LRRK2: variants seen among roughly 807,000 people sequenced by gnomAD.
The protein encoded by LRRK2 is leucine rich repeat kinase 2.
In LRRK2, 203 loss-of-function variants were observed where a neutral mutation model predicts 302.6. The observed-to-expected ratio is 0.67, with a 90% CI of 0.60 to 0.75. The LOEUF (loss-of-function observed/expected upper bound fraction) is 0.75. LRRK2 is among the 30% of genes least tolerant of loss of function. The pLI is 0.00. For missense variants in LRRK2, 2,830 were observed against 2,951.0 expected (o/e 0.96, Z 0.95); for synonymous variants, 1,066 against 1,031.9 (o/e 1.03, Z -0.63).
intron 41 of LRRK2, among the ~76,000 whole-genome samples, chr12:40,344,315 T>A (rs1946131830): frequency 6.6e-6 from 1 of 152,210 alleles, no homozygotes; most frequent in African/African-American, 2.4e-5. Flanking sequence ...TTTTGAATAG[T>A]ACCTAGATAT....
At chr12:40,232,435 C>A in intron 3 of LRRK2, 52 bp downstream of exon 3, 1 of 1,233,256 alleles carries the variant, frequency 8.1e-7, no homozygotes, top group Non-Finnish European at 1.2e-6. Context: ...TATTTGTACA[C>A]ATGACAACCT....
At chr12:40,253,683 A>G (rs768292600) in intron 11 of LRRK2, among the ~76,000 whole-genome samples, 4 of 152,176 alleles carry the variant, frequency 2.6e-5, no homozygotes, top group Non-Finnish European at 4.4e-5. Context: ...GGCCCAAATT[A>G]TAATTTTTAA....
At chr12:40,252,687 T>A (rs1423292547) in intron 10 of LRRK2, among the ~76,000 whole-genome samples, 1 of 152,172 alleles carries the variant, frequency 6.6e-6, no homozygotes. Context: ...TATTTCTCTC[T>A]GCTGCATATG....
At position 40,367,079 on chromosome 12, in the gene LRRK2, T is replaced by TA. The variant is rs1204496078; in HGVS notation, c.7462+4dup. 1 of 1,605,006 alleles carries TA rather than the reference T, an allele frequency of 6.2e-7. No homozygotes were observed. The highest frequency in any genetic ancestry group is 8.5e-7 in the Non-Finnish European group (1 of 1,172,850). On this transcript the variant is annotated splice_region_variant and intron_variant, in intron 50 of 50. Transcript: ENST00000298910. ...CTGAAGGTACACAAAAGCAGAAAGG[T>TA]AACATTTAGAAGGATACTGTTTTCC... is the stretch of plus-strand genomic sequence containing the variant.
At chr12:40,315,344 C>A in intron 33 of LRRK2, 44 bp downstream of exon 33, 1 of 1,469,476 alleles carries the variant, frequency 6.8e-7, no homozygotes, top group Non-Finnish European at 9.5e-7. Context: ...ATGGTCAAAG[C>A]ATAGAACAGA....
At chr12:40,352,099 A>C (rs1038575046) in intron 44 of LRRK2, among the ~76,000 whole-genome samples, 4 of 152,236 alleles carry the variant, frequency 2.6e-5, no homozygotes, top group African/African-American at 9.6e-5. Context: ...ATAGGAGCAC[A>C]GAATTTTCCC....
chr12:40,310,698 C>G, intron 31 of LRRK2, 49 bp downstream of exon 31: 2 of 1,577,608 alleles, frequency 1.3e-6, no homozygotes, highest in South Asian at 2.2e-5. Flanking sequence ...TTCTCAACTG[C>G]CTAGAAATGT....
chr12:40,324,026 A>G (rs543273322), intron 38 of LRRK2, among the ~76,000 whole-genome samples: 2 of 152,274 alleles, frequency 1.3e-5, no homozygotes, highest in South Asian at 4.1e-4. Flanking sequence ...AAACATGCTC[A>G]TACACTTCAG....
intron 25 of LRRK2, among the ~76,000 whole-genome samples, chr12:40,301,418 GTCAA>G (rs2136764336): frequency 6.6e-6 from 1 of 152,106 alleles, no homozygotes; most frequent in East Asian, 1.9e-4. Context: ...GCAAGACTCC[GTCAA>G]TCAATCAATC....
intron 18 of LRRK2, among the ~76,000 whole-genome samples, chr12:40,283,293 A>C (rs1943783065): frequency 6.6e-6 from 1 of 152,198 alleles, no homozygotes; most frequent in Non-Finnish European, 1.5e-5. Flanking sequence ...ATGCTCTGAA[A>C]ACATAACATT....
At chr12:40,353,149 G>A (rs1442880142) in intron 44 of LRRK2, among the ~76,000 whole-genome samples, 1 of 151,874 alleles carries the variant, frequency 6.6e-6, no homozygotes, top group East Asian at 2.0e-4. Context: ...TCCCAGACGG[G>A]GCGGCTGCTG....
In LRRK2 at chr12:40,348,483, C is replaced by A; in HGVS notation, c.6355C>A (p.Pro2119Thr). 1 of 1,612,462 alleles carries A rather than the reference C, an allele frequency of 6.2e-7. No homozygotes were observed. Among genetic ancestry groups the A allele is most frequent in the Non-Finnish European group, 8.5e-7 (1 of 1,178,818 alleles). Residue 2119 changes from proline (P) to threonine (T), a missense_variant, in exon 43 of 51, where the codon CCT (proline) becomes ACT (threonine). Pro to Thr is a conservative substitution (Grantham distance 38, BLOSUM62 -1). Coordinates refer to ENST00000298910, the MANE Select transcript of LRRK2 (RefSeq NM_198578.4). The part of the protein sequence containing the change: ...KLIKQCLKEN[P>T]QERPTSAQVF... ...AATTAAACAGTGTTTGAAAGAAAAT[C>A]CTCAAGAAAGGCCTACTTCTGCCCA... is the stretch of plus-strand genomic sequence containing the variant.
chr12:40,321,151 AT>A lies in LRRK2; in HGVS notation c.5135del (p.Leu1712TyrfsTer29). 6.2e-7 allele frequency: 1 copy of A among 1,612,626 alleles called. No individual in the cohort carries two copies. The highest frequency in any genetic ancestry group is 8.5e-7 in the Non-Finnish European group (1 of 1,178,882). On this transcript the variant is annotated frameshift_variant, in exon 35 of 51. Transcript: ENST00000298910. LOFTEE classifies it high-confidence loss of function. ...GATTTTGGTCAAGATTAATCAATCG[AT>A]TACTTGAGATTTCACCTTACATGCT... ...MGFWSRLINR[L>X]LEISPYMLSG...
chr12:40,277,817 C>G, intron 16 of LRRK2, 71 bp from the exon 17 acceptor site: 1 of 1,379,114 alleles, frequency 7.3e-7, no homozygotes, highest in South Asian at 1.3e-5. Context: ...TACAAACTCT[C>G]TCTGCTTTAT....
rs1946259370 is a variant in LRRK2 at position 40,348,402 on chromosome 12, G to A, written c.6281-7G>A. 2 of 1,578,798 alleles carry A rather than the reference G, an allele frequency of 1.3e-6. No homozygotes were observed. The highest frequency in any genetic ancestry group is 1.7e-6 in the Non-Finnish European group (2 of 1,148,476). On this transcript the variant is annotated splice_polypyrimidine_tract_variant and splice_region_variant and intron_variant, in intron 42 of 50. Coordinates refer to ENST00000298910, the MANE Select transcript of LRRK2 (RefSeq NM_198578.4). ...GTATGCTAGCATGATGTTTTTTAAT[G>A]TTTTAGATCCAGTTAAAGAATATGG...
chr12:40,275,111 C>T, intron 16 of LRRK2, 118 bp downstream of exon 16: 1 of 1,117,804 alleles, frequency 8.9e-7, no homozygotes, highest in South Asian at 1.3e-5. Context: ...AACCATTTAT[C>T]CTTTTGTAGT....
intron 41 of LRRK2, among the ~76,000 whole-genome samples, chr12:40,342,639 C>T (rs1172490002): frequency 6.6e-6 from 1 of 152,182 alleles, no homozygotes; most frequent in Non-Finnish European, 1.5e-5. Flanking sequence ...ACTACCATCA[C>T]CAAACTTTTT....
chr12:40,246,245 A>G (rs1196718630), intron 7 of LRRK2, among the ~76,000 whole-genome samples: 1 of 151,850 alleles, frequency 6.6e-6, no homozygotes, highest in Non-Finnish European at 1.5e-5. Flanking sequence ...TATACTTAAA[A>G]TGTAGTAAGT....
intron 50 of LRRK2, 164 bp downstream of exon 50, chr12:40,367,241 A>G (rs1946905937): frequency 1.6e-6 from 1 of 629,056 alleles, no homozygotes. Context: ...TTTCAAAATT[A>G]CAAGTGATAT....
Sources: allele counts gnomAD v4.1 joint callset (sites outside exome capture counted in the v4.1 genomes callset), GRCh38; gene constraint gnomAD v4.1.1; transcripts MANE v1.5; gene names NCBI Gene and HGNC (gene_info 2026-07-23, HGNC 2026-07-21).